The following GNS variants were observed in gnomAD, a reference collection of about 807,000 sequenced individuals.
The protein encoded by GNS is glucosamine (N-acetyl)-6-sulfatase, also known as N-acetylglucosamine-6-sulfatase.
In GNS, 40 loss-of-function variants were observed where a neutral mutation model predicts 69.7. The observed-to-expected ratio is 0.57, with a 90% CI of 0.45 to 0.75. The LOEUF is 0.75. Among genes scored for constraint, GNS ranks in the 30% least tolerant of loss-of-function variants. The pLI is 0.00. For synonymous variants in GNS, 243 were observed against 251.6 expected (o/e 0.97, Z 0.32); for missense variants, 565 against 685.5 (o/e 0.82, Z 1.96).
chr12:64,722,454 A>G (rs1305271966), intron 11 of GNS, among the ~76,000 whole-genome samples: 1 of 152,226 alleles, frequency 6.6e-6, no homozygotes, highest in African/African-American at 2.4e-5. Context: ...ACTTAAATCT[A>G]ATTTGTCTAC....
chr12:64,744,794 GC>G lies in GNS; in HGVS notation c.624+14del. Reference sequence around the variant, plus strand: ...AACCCTGTAAGGACAGAGCTACAAAGCTTCTGCAACTCACCAAAACATCTGT... The same window carrying G: ...AACCCTGTAAGGACAGAGCTACAAAGTTCTGCAACTCACCAAAACATCTGT... On this transcript the variant is annotated intron_variant, in intron 5 of 13. Coordinates refer to ENST00000258145, the MANE Select transcript of GNS (RefSeq NM_002076.4). The G allele has an allele frequency of 5.0e-6, 6 of 1,208,748 alleles. No homozygotes were observed. The highest frequency in any genetic ancestry group is 7.4e-6 in the Non-Finnish European group (6 of 809,398). The allele number at this position is 1,208,748 out of a possible 1,614,324, so 74.9% of individuals were successfully genotyped here. A position where few individuals can be genotyped will look rare whatever the true frequency, so the allele number is the denominator to read the frequency against.
intron 4 of GNS, among the ~76,000 whole-genome samples, chr12:64,745,204 CTT>C (rs141453545): frequency 0.051 from 2,144 of 42,266 alleles, 110 homozygotes; most frequent in African/African-American, 0.091. Flanking sequence ...AGTCAATAGA[CTT>C]TTTTTTTTTT....
At position 64,753,735 on chromosome 12, in the gene GNS, C is replaced by T. The variant is rs3782502; in HGVS notation, c.193-978G>A. ...TTGTTTTATATAAATACAAAACCTA[C>T]GGAATCCATAAACTCAAAAGGATGA... On this transcript the variant is annotated intron_variant, in intron 1 of 13. Coordinates refer to ENST00000258145, the MANE Select transcript of GNS (RefSeq NM_002076.4). Among the ~76,000 whole-genome samples the T allele has an allele frequency of 2.4e-4, 36 of 152,254 alleles. No individual in the cohort carries two copies. In the East Asian group the frequency reaches 3.7e-3, roughly 15 times the overall value.
chr12:64,752,753 G>A lies in GNS; in HGVS notation c.197C>T (p.Pro66Leu), dbSNP rs781383421. ...GATGAGAGCTTTGGTTTTCTTTAGC[G>A]GTGTCTGTAAAAGTAAGTAATTATC... ...DQDEVLGGMTPLKKTKALIGE... is the reference protein window; with the variant it reads ...DQDEVLGGMTLLKKTKALIGE... Residue 66 changes from proline (P) to leucine (L), a missense_variant, in exon 2 of 14, where the codon CCG (proline) becomes CTG (leucine). Around this residue, in one of 2 missense-constraint regions of GNS, gnomAD observed 181 missense variants for 174.4 expected, o/e 1.04. Transcript: ENST00000258145. 12 of 1,424,856 alleles carry A rather than the reference G, an allele frequency of 8.4e-6. No individual in the cohort carries two copies. In the South Asian group the frequency reaches 1.2e-4, roughly 14 times the overall value. The allele number at this position is 1,424,856 out of a possible 1,614,324, so 88.3% of individuals were successfully genotyped here. A position where few individuals can be genotyped will look rare whatever the true frequency, so the allele number is the denominator to read the frequency against.
intron 12 of GNS, among the ~76,000 whole-genome samples, chr12:64,720,554 T>C (rs142642036): frequency 6.6e-6 from 1 of 152,212 alleles, no homozygotes; most frequent in Non-Finnish European, 1.5e-5. Context: ...GACTTGGCAA[T>C]AAAGTTACTA....
chr12:64,725,805 G>T (rs965650187), intron 10 of GNS, among the ~76,000 whole-genome samples: 3 of 151,758 alleles, frequency 2.0e-5, no homozygotes, highest in African/African-American at 7.3e-5. Context: ...GACCATCCTG[G>T]CTAACACGGT....
At chr12:64,748,248 C>T (rs1869957747) in intron 2 of GNS, among the ~76,000 whole-genome samples, 2 of 151,890 alleles carry the variant, frequency 1.3e-5, no homozygotes, top group Admixed American at 6.6e-5. Context: ...GTCACCCAGA[C>T]TGGAGTGCAC....
chr12:64,717,866 G>T (rs889198660), intron 13 of GNS, among the ~76,000 whole-genome samples: 1 of 152,134 alleles, frequency 6.6e-6, no homozygotes, highest in Non-Finnish European at 1.5e-5. Flanking sequence ...TATCCTTGGG[G>T]CTTCACGCAT....
intron 9 of GNS, among the ~76,000 whole-genome samples, chr12:64,733,312 A>AC (rs1869464250): frequency 6.6e-6 from 1 of 150,766 alleles, no homozygotes; most frequent in Non-Finnish European, 1.5e-5. Context: ...AAAAAAAAAA[A>AC]AAAAAAAAAA....
At chr12:64,748,037 A>C in intron 2 of GNS, 119 bp from the exon 3 acceptor site, 3 of 704,328 alleles carry the variant, frequency 4.3e-6, no homozygotes, top group Non-Finnish European at 5.2e-6. Context: ...GTAGTTTCTC[A>C]TGGAATATAT....
At chr12:64,740,539 C>T in intron 7 of GNS, 67 bp downstream of exon 7, 1 of 857,654 alleles carries the variant, frequency 1.2e-6, no homozygotes, top group Non-Finnish European at 2.0e-6. Flanking sequence ...GGTGTGGTCT[C>T]CTCTTCATGA....
intron 10 of GNS, 51 bp from the exon 11 acceptor site, chr12:64,723,164 A>G (rs1321299198): frequency 3.6e-6 from 4 of 1,103,476 alleles, no homozygotes; most frequent in East Asian, 4.7e-5. Flanking sequence ...ACTATGATAA[A>G]GATCACAAAG....
chr12:64,724,814 T>C (rs1319210968), intron 10 of GNS, among the ~76,000 whole-genome samples: 2 of 152,080 alleles, frequency 1.3e-5, no homozygotes, highest in Admixed American at 1.3e-4. Context: ...TGAGCCGAGA[T>C]TGCACCACTG....
intron 3 of GNS, 109 bp from the exon 4 acceptor site, chr12:64,745,833 G>C: frequency 1.3e-6 from 1 of 746,312 alleles, no homozygotes; most frequent in East Asian, 2.6e-5. Context: ...AACATAGTAG[G>C]TACCTAATTT....
intron 8 of GNS, 49 bp downstream of exon 8, chr12:64,739,332 G>C: frequency 1.1e-6 from 1 of 943,258 alleles, no homozygotes; most frequent in Non-Finnish European, 1.8e-6. Flanking sequence ...GGTGAAAAAG[G>C]AAAGACATAT....
chr12:64,756,888 C>T lies in GNS; in HGVS notation c.192+2197G>A, dbSNP rs1441123864. On this transcript the variant is annotated intron_variant, in intron 1 of 13. Transcript: ENST00000258145. ...AAAAGAATCTGGGCCGAGACAGTGG[C>T]TCATGCCTGTAATCCCAGCACTTTG... 15 of 591,386 alleles carry T rather than the reference C, an allele frequency of 2.5e-5. No individual in the cohort carries two copies. In the Admixed American group the frequency reaches 4.1e-4, roughly 16 times the overall value. 36.6% of individuals were successfully genotyped at this position (591,386 alleles called of 1,614,324 possible).
chr12:64,748,763 C>T (rs1869975737), intron 2 of GNS, among the ~76,000 whole-genome samples: 1 of 152,092 alleles, frequency 6.6e-6, no homozygotes, highest in African/African-American at 2.4e-5. Flanking sequence ...ATCACCAAGC[C>T]ACTTCACAGA....
At position 64,737,116 on chromosome 12, in the gene GNS, A is replaced by G; in HGVS notation, c.995-9T>C. On this transcript the variant is annotated splice_polypyrimidine_tract_variant and intron_variant, in intron 8 of 13. Coordinates refer to ENST00000258145, the MANE Select transcript of GNS (RefSeq NM_002076.4). ...TGGCAAGGAAAACTGTCCTGAAAAC[A>G]AAACACACAATGTAAAGATGGAGCC... 7.5e-7 allele frequency: 1 copy of G among 1,335,326 alleles called. No homozygotes were observed. The highest frequency in any genetic ancestry group is 1.1e-6 in the Non-Finnish European group (1 of 925,354). The allele number at this position is 1,335,326 out of a possible 1,614,324, so 82.7% of individuals were successfully genotyped here. A position where few individuals can be genotyped will look rare whatever the true frequency, so the allele number is the denominator to read the frequency against.
Position 64,725,928 on chromosome 12 carries a change from G to A in GNS, c.1201-2815C>T, listed in dbSNP as rs551903715. Among the ~76,000 whole-genome samples, 109 of 148,260 alleles carry A rather than the reference G, an allele frequency of 7.4e-4. 2 individuals are homozygous for A. In the South Asian group the frequency reaches 0.014, roughly 19 times the overall value. On this transcript the variant is annotated intron_variant, in intron 10 of 13. Transcript: ENST00000258145. ...GGAGAATGGCGTGAACCAGGGAGGC[G>A]GAGCTTGCAGTGAGCTGAGATCATG... is the stretch of plus-strand genomic sequence containing the variant.
Sources: allele counts gnomAD v4.1 joint callset (sites outside exome capture counted in the v4.1 genomes callset), GRCh38; gene constraint gnomAD v4.1.1; regional missense constraint gnomAD v4.1.1; transcripts MANE v1.5; gene names NCBI Gene and HGNC (gene_info 2026-07-23, HGNC 2026-07-21).